Variants in FAM227B observed in about 807,000 individuals in gnomAD.
The protein encoded by FAM227B is protein FAM227B.
FAM227B carries 88 observed loss-of-function variants against 73.8 expected under a neutral mutation model. The ratio of observed to expected loss-of-function variants is 1.19; its 90% CI spans 1.00 to 1.42. The LOEUF (loss-of-function observed/expected upper bound fraction) is 1.42. Among genes scored for constraint, FAM227B ranks in the 40% most tolerant of loss-of-function variants. FAM227B has a pLI of 0.00. For synonymous variants in FAM227B, 210 were observed against 190.5 expected (o/e 1.10, Z -0.84); for missense variants, 632 against 590.9 (o/e 1.07, Z -0.72).
At chr15:49,527,060 CA>C (rs2060258269) in intron 10 of FAM227B, among the ~76,000 whole-genome samples, 1 of 151,552 alleles carries the variant, frequency 6.6e-6, no homozygotes, top group Non-Finnish European at 1.5e-5. Flanking sequence ...CACCCAGTAC[CA>C]AAATCAGGTA....
intron 11 of FAM227B, among the ~76,000 whole-genome samples, chr15:49,431,739 T>A (rs2050641283): frequency 6.6e-6 from 1 of 151,664 alleles, no homozygotes; most frequent in Non-Finnish European, 1.5e-5. Context: ...GAAAAAGACT[T>A]TACATAAAAA....
chr15:49,450,384 G>C (rs2052614595), intron 11 of FAM227B, among the ~76,000 whole-genome samples: 1 of 151,908 alleles, frequency 6.6e-6, no homozygotes, highest in Non-Finnish European at 1.5e-5. Flanking sequence ...TGATTATGTT[G>C]CTAAAGATAT....
chr15:49,503,684 A>C lies in FAM227B; in HGVS notation c.1012+4527T>G, dbSNP rs1057390914. ...AAAGACACATGAAAAAATGCTCATC[A>C]TCACTGGCCACCAGAGAAATGCAAA... On this transcript the variant is annotated intron_variant, in intron 11 of 15. Coordinates refer to ENST00000299338, the MANE Select transcript of FAM227B (RefSeq NM_152647.3). 5.9e-5 allele frequency among the ~76,000 whole-genome samples: 9 copies of C among 152,334 alleles called. No homozygotes were observed. The East Asian group carries it at 1.5e-3, about 26-fold the overall frequency.
intron 11 of FAM227B, among the ~76,000 whole-genome samples, chr15:49,413,060 C>G (rs925470173): frequency 6.6e-6 from 1 of 152,040 alleles, no homozygotes. Flanking sequence ...TATTGGACAT[C>G]TGGAATTTAA....
intron 9 of FAM227B, among the ~76,000 whole-genome samples, chr15:49,559,312 A>T: frequency 6.6e-6 from 1 of 152,090 alleles, no homozygotes; most frequent in Non-Finnish European, 1.5e-5. Flanking sequence ...ATTTGTGGGA[A>T]AGCAAGGGGC....
chr15:49,600,324 T>C (rs1380564306), intron 3 of FAM227B, among the ~76,000 whole-genome samples: 1 of 151,884 alleles, frequency 6.6e-6, no homozygotes, highest in Admixed American at 6.6e-5. Flanking sequence ...GTCTTTTGTA[T>C]GCAGCATATA....
In FAM227B at chr15:49,587,954, T is replaced by C. The variant is rs182251328; in HGVS notation, c.405+62A>G. The C allele has an allele frequency of 2.6e-5, 34 of 1,311,268 alleles. 1 individual carries two copies. In the Admixed American group the frequency reaches 5.2e-4, roughly 20 times the overall value. The allele number at this position is 1,311,268 out of a possible 1,614,324, so 81.2% of individuals were successfully genotyped here. On this transcript the variant is annotated intron_variant, in intron 5 of 15. Transcript: ENST00000299338. ...TTATTAGTGCTCATCTGTGGAAATG[T>C]AGTGTTTATATTTTCTGTGAAAATC...
At chr15:49,386,965 A>C (rs998369484) in intron 11 of FAM227B, among the ~76,000 whole-genome samples, 8 of 151,674 alleles carry the variant, frequency 5.3e-5, no homozygotes, top group African/African-American at 1.9e-4. Flanking sequence ...AAACCTTGAA[A>C]AGACTAATAA....
intron 11 of FAM227B, among the ~76,000 whole-genome samples, chr15:49,491,568 C>T (rs1389966832): frequency 6.6e-6 from 1 of 151,800 alleles, no homozygotes; most frequent in Admixed American, 6.6e-5. Context: ...TTCCTACTGT[C>T]AATCAATCCA....
At chr15:49,365,560 C>T in intron 13 of FAM227B, 1 of 887,670 alleles carries the variant, frequency 1.1e-6, no homozygotes, top group Non-Finnish European at 1.9e-6. Context: ...TTCAAAAGGT[C>T]CAGCTGCAAG....
intron 11 of FAM227B, among the ~76,000 whole-genome samples, chr15:49,396,670 C>T (rs2047674062): frequency 6.6e-6 from 1 of 151,780 alleles, no homozygotes; most frequent in South Asian, 2.1e-4. Context: ...AGACTGCCTC[C>T]TCAAGTGGGT....
At position 49,477,348 on chromosome 15, in the gene FAM227B, C is replaced by T. The variant is rs781473952; in HGVS notation, c.1012+30863G>A. Among the ~76,000 whole-genome samples, 17 of 152,248 alleles carry T rather than the reference C, an allele frequency of 1.1e-4. 1 individual carries two copies. The highest frequency in any genetic ancestry group is 8.5e-4 in the Admixed American group (13 of 15,288). ...TTCAGCTTTTCATCCTTTTTCTGCT[C>T]TCCTCAAGGCCCTTGCCACCACTGA... On this transcript the variant is annotated intron_variant, in intron 11 of 15. Coordinates refer to ENST00000299338, the MANE Select transcript of FAM227B (RefSeq NM_152647.3).
intron 13 of FAM227B, among the ~76,000 whole-genome samples, chr15:49,345,242 T>C (rs1193729712): frequency 1.3e-5 from 2 of 152,224 alleles, no homozygotes; most frequent in Non-Finnish European, 2.9e-5. Context: ...TCTTATAAAT[T>C]ATTAATTTTG....
intron 3 of FAM227B, among the ~76,000 whole-genome samples, chr15:49,605,730 T>C (rs1377368781): frequency 2.0e-5 from 3 of 151,166 alleles, no homozygotes; most frequent in African/African-American, 7.3e-5. Flanking sequence ...CCCCTGGAAA[T>C]GGCCTGGAGC....
chr15:49,483,856 C>T (rs1206301919), intron 11 of FAM227B, among the ~76,000 whole-genome samples: 1 of 152,006 alleles, frequency 6.6e-6, no homozygotes, highest in Non-Finnish European at 1.5e-5. Flanking sequence ...AACAAATTAA[C>T]CTTTTATCTT....
chr15:49,493,385 T>C (rs1257824705), intron 11 of FAM227B, among the ~76,000 whole-genome samples: 2 of 152,018 alleles, frequency 1.3e-5, no homozygotes, highest in Admixed American at 1.3e-4. Flanking sequence ...AACTTCATAG[T>C]ATCCTTAGAC....
intron 11 of FAM227B, among the ~76,000 whole-genome samples, chr15:49,446,492 G>C (rs181434417): frequency 7.0e-4 from 106 of 151,610 alleles, no homozygotes; most frequent in Non-Finnish European, 1.3e-3. Context: ...GAATATTTCT[G>C]GGTGCACCTA....
intron 11 of FAM227B, among the ~76,000 whole-genome samples, chr15:49,500,871 T>A (rs1379388308): frequency 6.6e-6 from 1 of 152,146 alleles, no homozygotes; most frequent in Non-Finnish European, 1.5e-5. Flanking sequence ...ATATGAGGTC[T>A]GCTTGTTTAA....
chr15:49,428,079 T>C (rs1208619924), intron 11 of FAM227B, among the ~76,000 whole-genome samples: 2 of 151,876 alleles, frequency 1.3e-5, no homozygotes, highest in African/African-American at 2.4e-5. Context: ...AGTAGACATA[T>C]AAATAAGAAC....
Sources: gnomAD v4.1 joint callset for allele counts (sites outside exome capture counted in the v4.1 genomes callset) on GRCh38, gnomAD v4.1.1 for gene constraint, MANE v1.5 for transcripts, NCBI Gene and HGNC (gene_info 2026-07-23, HGNC 2026-07-21) for gene names.